The following C18orf54 variants were observed in gnomAD, a reference collection of about 807,000 sequenced individuals.
C18orf54 encodes chromosome 18 open reading frame 54, also known as lung adenoma susceptibility protein 2.
In C18orf54, 49 loss-of-function variants were observed where a neutral mutation model predicts 49.3. The ratio of observed to expected loss-of-function variants is 0.99; its 90% CI spans 0.79 to 1.26. The LOEUF (loss-of-function observed/expected upper bound fraction) is 1.26. Ranked by LOEUF, C18orf54 falls within the 50% of genes most tolerant of loss-of-function variation. The pLI, the probability that C18orf54 is intolerant of heterozygous loss-of-function variation, is 0.00. For missense variants in C18orf54, 687 were observed against 620.6 expected (o/e 1.11, Z -1.14); for synonymous variants, 211 against 216.6 (o/e 0.97, Z 0.23).
At chr18:54,369,466 C>CTTTTTTTT (rs140753589) in intron 6 of C18orf54, among the ~76,000 whole-genome samples, 4 of 89,162 alleles carry the variant, frequency 4.5e-5, no homozygotes, top group Non-Finnish European at 8.0e-5. Context: ...TTGTATATTG[C>CTTTTTTTT]TTTTTTTTTT....
intron 8 of C18orf54, 142 bp downstream of exon 8, chr18:54,374,426 A>G: frequency 3.6e-6 from 2 of 561,542 alleles, no homozygotes; most frequent in Non-Finnish European, 5.0e-6. Flanking sequence ...TGTTTACACT[A>G]AAAAACATTG....
intron 5 of C18orf54, among the ~76,000 whole-genome samples, chr18:54,363,404 G>T (rs538948264): frequency 1.3e-5 from 2 of 151,876 alleles, no homozygotes. Flanking sequence ...TGCAACCTCC[G>T]CCTCCTGGGT....
intron 6 of C18orf54, among the ~76,000 whole-genome samples, chr18:54,368,493 A>C (rs751725342): frequency 2.0e-5 from 3 of 152,044 alleles, no homozygotes; most frequent in African/African-American, 4.8e-5. Flanking sequence ...TGAAGAAGTG[A>C]TGTGCTCTTC....
intron 8 of C18orf54, among the ~76,000 whole-genome samples, chr18:54,377,801 G>T (rs2089601277): frequency 6.6e-6 from 1 of 152,110 alleles, no homozygotes; most frequent in Non-Finnish European, 1.5e-5. Flanking sequence ...ATATACACAG[G>T]ATACCAAAAG....
intron 5 of C18orf54, among the ~76,000 whole-genome samples, chr18:54,365,365 A>C (rs1218486956): frequency 6.6e-6 from 1 of 152,038 alleles, no homozygotes; most frequent in East Asian, 1.9e-4. Context: ...TGATTATTAG[A>C]TGGTAACAAT....
chr18:54,360,099 G>A (rs1157646253), intron 2 of C18orf54, among the ~76,000 whole-genome samples: 1 of 152,066 alleles, frequency 6.6e-6, no homozygotes, highest in Non-Finnish European at 1.5e-5. Flanking sequence ...AATTTATTGA[G>A]CGCTATTATC....
chr18:54,367,236 CT>C (rs1310073198), intron 6 of C18orf54, among the ~76,000 whole-genome samples: 1 of 151,940 alleles, frequency 6.6e-6, no homozygotes, highest in Non-Finnish European at 1.5e-5. Context: ...TTCTTTCTTC[CT>C]TTTTTCCCCT....
chr18:54,365,702 C>CTAT lies in C18orf54; in HGVS notation c.1224-16_1224-15insATT, dbSNP rs1805218298. On this transcript the variant is annotated splice_polypyrimidine_tract_variant and intron_variant, in intron 5 of 8. Coordinates refer to ENST00000620105, the MANE Select transcript of C18orf54 (RefSeq NM_001288980.2). ...GGGAACTTAATTGCTATCTTGCATC[C>CTAT]TTTAAATCCTGTTTAGCAAATCTCC... is the stretch of plus-strand genomic sequence containing the variant. The CTAT allele has an allele frequency of 6.7e-7, 1 of 1,486,734 alleles. No individual in the cohort carries two copies. The highest frequency in any genetic ancestry group is 1.4e-5 in the African/African-American group (1 of 72,242). The allele number at this position is 1,486,734 out of a possible 1,614,324, so 92.1% of individuals were successfully genotyped here. A position where few individuals can be genotyped will look rare whatever the true frequency, so the allele number is the denominator to read the frequency against.
At chr18:54,374,371 T>A in intron 8 of C18orf54, 87 bp downstream of exon 8, 2 of 1,381,676 alleles carry the variant, frequency 1.4e-6, no homozygotes, top group Non-Finnish European at 1.9e-6. Context: ...GTAAGTAGTT[T>A]TAAGAGTAGC....
Position 54,365,719 on chromosome 18 carries a change from CA to C in C18orf54, c.1227del (p.Lys409AsnfsTer29). On this transcript the variant is annotated frameshift_variant and splice_region_variant, in exon 6 of 9. Transcript: ENST00000620105. LOFTEE classifies it high-confidence loss of function. ...CTTGCATCCTTTAAATCCTGTTTAG[CA>C]AATCTCCTGTTCCCGTTAACTCTGA... ...RSWENIPVTF[K>X]SPVPVNSDDS... is the part of the protein sequence containing the mutation. 1 of 1,571,288 alleles carries C rather than the reference CA, an allele frequency of 6.4e-7. No homozygotes were observed. The highest frequency in any genetic ancestry group is 2.3e-5 in the East Asian group (1 of 44,414).
intron 4 of C18orf54, 80 bp from the exon 5 acceptor site, chr18:54,362,691 T>C: frequency 7.9e-7 from 1 of 1,262,906 alleles, no homozygotes; most frequent in Non-Finnish European, 1.1e-6. Flanking sequence ...TGATCAGAAC[T>C]CTTGTTGACT....
chr18:54,361,949 G>A lies in C18orf54; in HGVS notation c.590G>A (p.Gly197Asp), dbSNP rs768563555. ...TCAAATATAAATGGAAAGCAATGTG[G>A]TAGGCTGAAAAACCCAAAACTTATG... ...IRSNINGKQC[G>D]RLKNPKLMNR... is the part of the protein sequence containing the mutation. Residue 197 changes from glycine to aspartate, a missense_variant, in exon 4 of 9, where the codon GGT (glycine) becomes GAT (aspartate). Gly to Asp is a moderately conservative substitution (Grantham distance 94). Coordinates refer to ENST00000620105, the MANE Select transcript of C18orf54 (RefSeq NM_001288980.2). The A allele has an allele frequency of 6.2e-7, 1 of 1,614,074 alleles. No individual in the cohort carries two copies. The highest frequency in any genetic ancestry group is 8.5e-7 in the Non-Finnish European group (1 of 1,179,988).
In C18orf54 at chr18:54,378,274, G is replaced by A. The variant is rs3753055; in HGVS notation, c.*28G>A. On this transcript the variant is annotated 3_prime_UTR_variant, in exon 9 of 9. Transcript: ENST00000620105. ...AGGAAAATGAAACTGTCACCACAAT[G>A]AATAGTCACCACAGAACAAATAGGC... 0.7 allele frequency: 1,108,055 copies of A among 1,582,042 alleles called. 390,106 individuals are homozygous for A. The highest frequency in any genetic ancestry group is 0.87 in the African/African-American group (64,237 of 74,124).
At chr18:54,363,527 A>G (rs958448419) in intron 5 of C18orf54, among the ~76,000 whole-genome samples, 1 of 152,126 alleles carries the variant, frequency 6.6e-6, no homozygotes, top group Non-Finnish European at 1.5e-5. Flanking sequence ...CATGTTGGCC[A>G]GGCTGGTCTC....
intron 7 of C18orf54, among the ~76,000 whole-genome samples, chr18:54,373,879 CATT>C (rs2089528456): frequency 1.3e-5 from 2 of 151,772 alleles, no homozygotes; most frequent in Non-Finnish European, 3.0e-5. Context: ...ATAATCATAA[CATT>C]AATATGTAGA....
Position 54,362,976 on chromosome 18 carries a change from C to G in C18orf54, c.1223+55C>G. On this transcript the variant is annotated intron_variant, in intron 5 of 8. Coordinates refer to ENST00000620105, the MANE Select transcript of C18orf54 (RefSeq NM_001288980.2). Reference sequence around the variant, plus strand: ...AGTTTTCCAAATGAAAAATGTCATGCGAATATCTGATTTATATTTAAACGA... The same window carrying G: ...AGTTTTCCAAATGAAAAATGTCATGGGAATATCTGATTTATATTTAAACGA... 6.8e-6 allele frequency: 10 copies of G among 1,474,122 alleles called. No homozygotes were observed. The South Asian group carries it at 1.1e-4, about 16-fold the overall frequency. The allele number at this position is 1,474,122 out of a possible 1,614,324, so 91.3% of individuals were successfully genotyped here.
intron 5 of C18orf54, among the ~76,000 whole-genome samples, chr18:54,364,186 GCTTAA>G (rs1353534996): frequency 4.6e-5 from 7 of 151,382 alleles, no homozygotes; most frequent in Admixed American, 2.6e-4. Context: ...TTCACGTAAT[GCTTAA>G]CTTCTCTTAT....
chr18:54,380,654 T>C lies in C18orf54; in HGVS notation c.*2408T>C, dbSNP rs2089652512. The C allele has an allele frequency of 6.6e-6, 1 of 152,130 alleles. No individual in the cohort carries two copies. Among genetic ancestry groups the C allele is most frequent in the African/African-American group, 2.4e-5 (1 of 41,450 alleles). The allele number at this position is 152,130 out of a possible 1,614,324, so 9.4% of individuals were successfully genotyped here. On this transcript the variant is annotated 3_prime_UTR_variant, in exon 9 of 9. Coordinates refer to ENST00000620105, the MANE Select transcript of C18orf54 (RefSeq NM_001288980.2). ...TTTTGGGTATATGTCATTATAGTTA[T>C]GTTATTTCTTGTTGAAATTTATAAT...
rs1174348373 is a variant in C18orf54 at position 54,370,627 on chromosome 18, G to A, written c.1327-1839G>A. 2.0e-5 allele frequency among the ~76,000 whole-genome samples: 3 copies of A among 152,142 alleles called. No individual in the cohort carries two copies. The East Asian group carries it at 5.8e-4, about 29-fold the overall frequency. ...TGTACCCGGAGACATTTACTAGCAGGTTTCAATGACAAGTCTCAGAACAAA... is the reference window on the plus strand; with the variant it reads ...TGTACCCGGAGACATTTACTAGCAGATTTCAATGACAAGTCTCAGAACAAA... On this transcript the variant is annotated intron_variant, in intron 6 of 8. Coordinates refer to ENST00000620105, the MANE Select transcript of C18orf54 (RefSeq NM_001288980.2).
Sources: allele counts gnomAD v4.1 joint callset (sites outside exome capture counted in the v4.1 genomes callset), GRCh38; gene constraint gnomAD v4.1.1; transcripts MANE v1.5; gene names NCBI Gene and HGNC (gene_info 2026-07-23, HGNC 2026-07-21).